The following CHRM3 variants were observed in gnomAD, a reference collection of about 807,000 sequenced individuals.
The protein encoded by CHRM3 is muscarinic acetylcholine receptor M3.
Under a neutral mutation model 41.8 loss-of-function variants are expected in CHRM3, and 11 were observed. That is an observed-to-expected ratio of 0.26 (90% CI 0.17 to 0.44). The LOEUF (loss-of-function observed/expected upper bound fraction) is 0.44, where lower values mean the gene tolerates loss of function less well. Among genes scored for constraint, CHRM3 ranks in the 20% least tolerant of loss-of-function variants. The pLI is 1.00. For missense variants in CHRM3, 571 were observed against 745.4 expected (o/e 0.77, Z 2.72); for synonymous variants, 297 against 301.4 (o/e 0.99, Z 0.15).
intron 5 of CHRM3, among the ~76,000 whole-genome samples, chr1:239,767,593 A>G (rs1402928868): frequency 6.6e-6 from 1 of 152,228 alleles, no homozygotes; most frequent in Non-Finnish European, 1.5e-5. Context: ...ATTAAAATCA[A>G]TGACTATAAT....
At chr1:239,470,524 GC>G (rs888975830) in intron 1 of CHRM3, among the ~76,000 whole-genome samples, 5 of 152,176 alleles carry the variant, frequency 3.3e-5, no homozygotes, top group Non-Finnish European at 7.3e-5. Context: ...GCCCAGGGAA[GC>G]AACCCAGAAT....
chr1:239,467,040 A>C (rs181369867), intron 1 of CHRM3, among the ~76,000 whole-genome samples: 1 of 152,134 alleles, frequency 6.6e-6, no homozygotes, highest in Non-Finnish European at 1.5e-5. Context: ...ATAAGGAAAT[A>C]TTTTGCTGTC....
chr1:239,431,878 T>A (rs900767995), intron 1 of CHRM3, among the ~76,000 whole-genome samples: 1 of 152,172 alleles, frequency 6.6e-6, no homozygotes, highest in African/African-American at 2.4e-5. Flanking sequence ...CAAGGAATCT[T>A]CTACTTAAAT....
intron 3 of CHRM3, among the ~76,000 whole-genome samples, chr1:239,617,577 G>C (rs2148789680): frequency 6.6e-6 from 1 of 152,176 alleles, no homozygotes; most frequent in South Asian, 2.1e-4. Context: ...AATTTAAAAT[G>C]TAAAAAATTA....
At chr1:239,803,456 G>T (rs762756560) in intron 5 of CHRM3, among the ~76,000 whole-genome samples, 7 of 152,096 alleles carry the variant, frequency 4.6e-5, no homozygotes, top group Non-Finnish European at 1.0e-4. Context: ...CCATGAATTG[G>T]CTTACAAAAT....
chr1:239,617,235 C>T (rs1191237766), intron 3 of CHRM3, among the ~76,000 whole-genome samples: 4 of 152,174 alleles, frequency 2.6e-5, no homozygotes, highest in Admixed American at 2.6e-4. Context: ...CCAGAACTTT[C>T]CAAATTTATT....
At chr1:239,425,905 G>T (rs950621890) in intron 1 of CHRM3, among the ~76,000 whole-genome samples, 2 of 152,066 alleles carry the variant, frequency 1.3e-5, no homozygotes, top group African/African-American at 4.8e-5. Context: ...TATAAAAGCC[G>T]TTCAGTGTTC....
At chr1:239,485,734 G>A (rs1310758764) in intron 1 of CHRM3, among the ~76,000 whole-genome samples, 3 of 152,126 alleles carry the variant, frequency 2.0e-5, no homozygotes, top group Admixed American at 6.5e-5. Context: ...GCCACTGCGT[G>A]ATGTAAATTT....
At chr1:239,462,516 A>T (rs1402601648) in intron 1 of CHRM3, among the ~76,000 whole-genome samples, 2 of 152,186 alleles carry the variant, frequency 1.3e-5, no homozygotes, top group Admixed American at 6.5e-5. Context: ...ACAGAATTTC[A>T]ATTTGTACCT....
At chr1:239,794,534 A>G (rs1296035386) in intron 5 of CHRM3, among the ~76,000 whole-genome samples, 2 of 152,070 alleles carry the variant, frequency 1.3e-5, no homozygotes, top group African/African-American at 4.8e-5. Flanking sequence ...TAACCAGGAA[A>G]CTGTTACATG....
At chr1:239,718,886 C>G (rs965097124) in intron 5 of CHRM3, 8 of 151,902 alleles carry the variant, frequency 5.3e-5, no homozygotes, top group African/African-American at 1.9e-4. Flanking sequence ...ACTAACAGTA[C>G]ATCTTTTTCT....
chr1:239,537,839 A>G (rs1010021689), intron 2 of CHRM3, among the ~76,000 whole-genome samples: 10 of 152,178 alleles, frequency 6.6e-5, no homozygotes, highest in African/African-American at 2.4e-4. Flanking sequence ...AAAGAATCAG[A>G]TAGATTAAGA....
chr1:239,537,827 T>C (rs528195509), intron 2 of CHRM3, among the ~76,000 whole-genome samples: 3 of 152,334 alleles, frequency 2.0e-5, no homozygotes, highest in South Asian at 2.1e-4. Context: ...CTTTTATTAA[T>C]TAAAGAATCA....
At chr1:239,482,621 C>T (rs1262630676) in intron 1 of CHRM3, among the ~76,000 whole-genome samples, 2 of 152,148 alleles carry the variant, frequency 1.3e-5, no homozygotes, top group Non-Finnish European at 2.9e-5. Context: ...CTCTGACTTC[C>T]CATACCTAGG....
At chr1:239,672,331 T>A (rs1004890037) in intron 4 of CHRM3, among the ~76,000 whole-genome samples, 1 of 151,910 alleles carries the variant, frequency 6.6e-6, no homozygotes, top group Non-Finnish European at 1.5e-5. Flanking sequence ...AGACAAGACC[T>A]CAGAAAAGGC....
At position 239,745,548 on chromosome 1, in the gene CHRM3, G is replaced by A. The variant is rs143764060; in HGVS notation, c.-147+67260G>A. Among the ~76,000 whole-genome samples the A allele has an allele frequency of 9.9e-3, 1,501 of 151,922 alleles. 23 individuals carry two copies. The highest frequency in any genetic ancestry group is 0.034 in the African/African-American group (1,427 of 41,448). ...TGGGGTACATGTGCAGAGCGTGCAG[G>A]TTTGTTCCATAAGTATACACATGCC... On this transcript the variant is annotated intron_variant, in intron 5 of 6. Transcript: ENST00000676153.
chr1:239,854,539 C>T (rs116050819), intron 6 of CHRM3, among the ~76,000 whole-genome samples: 2,497 of 152,158 alleles, frequency 0.016, 71 homozygotes, highest in African/African-American at 0.057. Context: ...AAATACTAAT[C>T]ACTAGCATTG....
chr1:239,783,953 G>A (rs550204337), intron 5 of CHRM3, among the ~76,000 whole-genome samples: 104 of 152,204 alleles, frequency 6.8e-4, no homozygotes, highest in Middle Eastern at 3.4e-3. Flanking sequence ...AAGTGAGAAC[G>A]TGCAGTATTT....
chr1:239,907,772 C>T lies in CHRM3; in HGVS notation c.321C>T (p.Leu107=). The T allele has an allele frequency of 6.2e-7, 1 of 1,614,216 alleles. No individual in the cohort carries two copies. Among genetic ancestry groups the T allele is most frequent in the South Asian group, 1.1e-5 (1 of 91,080 alleles). The part of the protein sequence containing the change: ...KQLKTVNNYF[L]LSLACADLII... ...TGAAGACGGTCAACAACTACTTCCT[C>T]TTAAGCCTGGCCTGTGCCGATCTGA... The change falls in exon 7 of 7, where the codon CTC becomes CTT. Residue 107 remains leucine, a synonymous_variant. Coordinates refer to ENST00000676153, the MANE Select transcript of CHRM3 (RefSeq NM_001375978.1). This position sits in a 1 kb window ranked among gnomAD's most constrained non-coding sequence, Gnocchi z 5.4.
Sources: gnomAD v4.1 joint callset for allele counts (sites outside exome capture counted in the v4.1 genomes callset) on GRCh38, gnomAD v4.1.1 for gene constraint, Gnocchi (gnomAD v3.1) non-coding constraint, MANE v1.5 for transcripts, NCBI Gene and HGNC (gene_info 2026-07-23, HGNC 2026-07-21) for gene names.